The following ASIC2 variants were observed in gnomAD, a reference collection of about 807,000 sequenced individuals.
The protein encoded by ASIC2 is acid sensing ion channel subunit 2.
Under a neutral mutation model 57.3 loss-of-function variants are expected in ASIC2, and 25 were observed. That is an observed-to-expected ratio of 0.44 (90% CI 0.32 to 0.61). The LOEUF (loss-of-function observed/expected upper bound fraction) is 0.61, where lower values mean the gene tolerates loss of function less well. Among genes scored for constraint, ASIC2 ranks in the 20% least tolerant of loss-of-function variants. The pLI is 0.06. For missense variants in ASIC2, 641 were observed against 738.1 expected (o/e 0.87, Z 1.52); for synonymous variants, 319 against 307.5 (o/e 1.04, Z -0.39).
At chr17:33,348,530 A>C (rs1908039664) in intron 1 of ASIC2, among the ~76,000 whole-genome samples, 1 of 152,172 alleles carries the variant, frequency 6.6e-6, no homozygotes, top group South Asian at 2.1e-4. Flanking sequence ...GAAGGGTGGT[A>C]GTTGTTGGGG....
intron 1 of ASIC2, among the ~76,000 whole-genome samples, chr17:33,334,178 C>T (rs1378945733): frequency 7.2e-5 from 11 of 152,140 alleles, no homozygotes; most frequent in Non-Finnish European, 2.9e-5. Flanking sequence ...TCTACATGTT[C>T]CAAAAGGGGG....
intron 1 of ASIC2, among the ~76,000 whole-genome samples, chr17:33,703,337 C>CTGTTGT (rs201321581): frequency 1.4e-3 from 177 of 127,478 alleles, no homozygotes; most frequent in Middle Eastern, 3.8e-3. Context: ...TTTTTTGTTG[C>CTGTTGT]TGTTGTTGTT....
chr17:33,400,368 T>C (rs1035778469), intron 1 of ASIC2, among the ~76,000 whole-genome samples: 1 of 152,184 alleles, frequency 6.6e-6, no homozygotes, highest in South Asian at 2.1e-4. Context: ...ACCAGTCTTC[T>C]GGTATGGGAA....
chr17:33,163,623 A>T (rs1905224250), intron 1 of ASIC2, among the ~76,000 whole-genome samples: 1 of 152,194 alleles, frequency 6.6e-6, no homozygotes, highest in Non-Finnish European at 1.5e-5. Context: ...TTGTACATTT[A>T]TTAGATCCTG....
intron 1 of ASIC2, among the ~76,000 whole-genome samples, chr17:33,636,370 C>T (rs886612728): frequency 2.0e-5 from 3 of 152,098 alleles, no homozygotes; most frequent in African/African-American, 7.2e-5. Flanking sequence ...CATGACGTGC[C>T]TTAGGGGGAA....
chr17:33,756,866 AC>A (rs1458104733), intron 1 of ASIC2, among the ~76,000 whole-genome samples: 2 of 152,222 alleles, frequency 1.3e-5, no homozygotes, highest in Non-Finnish European at 2.9e-5. Context: ...CACAACACAG[AC>A]GTAGGGTCTT....
intron 1 of ASIC2, among the ~76,000 whole-genome samples, chr17:33,587,300 G>A (rs1202432478): frequency 6.6e-6 from 1 of 152,140 alleles, no homozygotes; most frequent in Non-Finnish European, 1.5e-5. Flanking sequence ...AATCCATATG[G>A]GTATTTAGCG....
intron 1 of ASIC2, among the ~76,000 whole-genome samples, chr17:33,307,200 T>C (rs1432190723): frequency 1.3e-5 from 2 of 152,122 alleles, no homozygotes; most frequent in African/African-American, 2.4e-5. Context: ...GCCTGGATAG[T>C]GTTCTCCTTA....
At chr17:33,170,892 T>A (rs1388466714) in intron 1 of ASIC2, among the ~76,000 whole-genome samples, 1 of 152,202 alleles carries the variant, frequency 6.6e-6, no homozygotes, top group Non-Finnish European at 1.5e-5. Flanking sequence ...ACAGCCCTGA[T>A]CAATTGGAAT....
chr17:33,335,099 T>G (rs1907462692), intron 1 of ASIC2, among the ~76,000 whole-genome samples: 1 of 152,214 alleles, frequency 6.6e-6, no homozygotes, highest in Non-Finnish European at 1.5e-5. Context: ...TTATCCCTTT[T>G]TACATTAAAT....
At chr17:33,977,903 G>A (rs936536619) in intron 1 of ASIC2, among the ~76,000 whole-genome samples, 12 of 152,208 alleles carry the variant, frequency 7.9e-5, no homozygotes, top group African/African-American at 1.2e-4. Context: ...CTGAAAGCAC[G>A]GTGTCTGCAG....
intron 1 of ASIC2, among the ~76,000 whole-genome samples, chr17:33,817,708 A>T (rs965910994): frequency 9.2e-5 from 14 of 152,188 alleles, no homozygotes; most frequent in Non-Finnish European, 1.8e-4. Flanking sequence ...AACCATATTT[A>T]TTTTATTAAA....
At position 33,307,276 on chromosome 17, in the gene ASIC2, C is replaced by CCTTCTTCTT. The variant is rs112981249; in HGVS notation, c.556-195218_556-195210dup. ...TCCTCCTTCTCTTCCTCCTCCTCTT[C>CCTTCTTCTT]CTTCTTCTTCTTCTTCTTCTTCTTC... On this transcript the variant is annotated intron_variant, in intron 1 of 9. Coordinates refer to the ASIC2 transcript ENST00000359872. Among the ~76,000 whole-genome samples, 365 of 147,688 alleles carry CCTTCTTCTT rather than the reference C, an allele frequency of 2.5e-3. 1 individual carries two copies. Among genetic ancestry groups the CCTTCTTCTT allele is most frequent in the East Asian group, 0.019 (96 of 4,984 alleles).
At chr17:33,119,399 T>A (rs1467664822) in intron 1 of ASIC2, among the ~76,000 whole-genome samples, 2 of 152,242 alleles carry the variant, frequency 1.3e-5, no homozygotes, top group Non-Finnish European at 2.9e-5. Flanking sequence ...TTTAGTTTTG[T>A]TTTGTTTTTC....
intron 3 of ASIC2, among the ~76,000 whole-genome samples, chr17:33,045,427 T>A (rs2091949736): frequency 6.6e-6 from 1 of 152,146 alleles, no homozygotes; most frequent in South Asian, 2.1e-4. Context: ...GTGTATGATT[T>A]GTTGATTGAA....
At chr17:33,066,849 G>A (rs59615329) in intron 3 of ASIC2, among the ~76,000 whole-genome samples, 2,634 of 152,232 alleles carry the variant, frequency 0.017, 74 homozygotes, top group African/African-American at 0.06. Flanking sequence ...GGATATAAAG[G>A]TGAGGAAAAT....
intron 1 of ASIC2, among the ~76,000 whole-genome samples, chr17:33,627,743 T>C (rs1289434607): frequency 3.3e-5 from 5 of 152,220 alleles, no homozygotes; most frequent in Non-Finnish European, 7.3e-5. Flanking sequence ...AAACCTAATA[T>C]TTTTCAGGGA....
At chr17:33,645,574 T>C (rs1246764359) in intron 1 of ASIC2, among the ~76,000 whole-genome samples, 1 of 152,184 alleles carries the variant, frequency 6.6e-6, no homozygotes, top group Admixed American at 6.5e-5. Context: ...GAGCTCTCTT[T>C]CTTATGAATG....
intron 1 of ASIC2, among the ~76,000 whole-genome samples, chr17:33,240,121 AAGAT>A (rs1177422152): frequency 6.6e-6 from 1 of 152,168 alleles, no homozygotes; most frequent in East Asian, 1.9e-4. Flanking sequence ...GACACAGCCT[AAGAT>A]AGTTGATCTG....
Sources: allele counts gnomAD v4.1 joint callset (sites outside exome capture counted in the v4.1 genomes callset), GRCh38; gene constraint gnomAD v4.1.1; transcripts MANE v1.5; gene names NCBI Gene and HGNC (gene_info 2026-07-23, HGNC 2026-07-21).